The following HEXA variants were observed in gnomAD, a reference collection of about 807,000 sequenced individuals.
The protein encoded by HEXA is hexosaminidase subunit alpha.
A neutral mutation model predicts 73.3 loss-of-function variants in HEXA; 54 were observed. That is an observed-to-expected ratio of 0.74 (90% CI 0.59 to 0.92). The LOEUF is 0.92. Among genes scored for constraint, HEXA ranks in the 40% least tolerant of loss-of-function variants. The pLI is 0.00. For missense variants in HEXA, 649 were observed against 653.0 expected, an observed-to-expected ratio of 0.99 and a Z score of 0.07; for synonymous variants, 230 against 246.9, an observed-to-expected ratio of 0.93 and a Z score of 0.64.
chr15:72,374,008 C>CA (rs550464062), intron 1 of HEXA, among the ~76,000 whole-genome samples: 12,205 of 67,588 alleles, frequency 0.18, 968 homozygotes, highest in African/African-American at 0.33. Context: ...GACTCCGTCT[C>CA]AAAAAAAAAA....
At chr15:72,375,604 GC>G in intron 1 of HEXA, 115 bp downstream of exon 1, 1 of 1,107,696 alleles carries the variant, frequency 9.0e-7, no homozygotes, top group Non-Finnish European at 1.3e-6. Flanking sequence ...GAAGTGGAGT[GC>G]CTGTGATCAG....
intron 1 of HEXA, among the ~76,000 whole-genome samples, chr15:72,374,813 C>T (rs2089037835): frequency 6.6e-6 from 1 of 152,106 alleles, no homozygotes; most frequent in Non-Finnish European, 1.5e-5. Flanking sequence ...ATGTCTAAAG[C>T]GCTCTTGACT....
rs114618872 is a variant in HEXA, at chr15:72,363,789, A to G, written c.254-7172T>C. Among the ~76,000 whole-genome samples the G allele has an allele frequency of 4.7e-3, 713 of 152,170 alleles. 10 individuals carry two copies. Among genetic ancestry groups the G allele is most frequent in the African/African-American group, 0.017 (688 of 41,506 alleles). On this transcript the variant is annotated intron_variant, in intron 1 of 13. Coordinates refer to ENST00000268097, the MANE Select transcript of HEXA (RefSeq NM_000520.6). ...TTTTTTTGGGAAAAGCTGTAGTTAA[A>G]AATTTTCTATTTTCCCCTACTTTTA...
At chr15:72,345,286 G>A in intron 13 of HEXA, 160 bp downstream of exon 13, 1 of 1,368,216 alleles carries the variant, frequency 7.3e-7, no homozygotes, top group Admixed American at 2.5e-5. Flanking sequence ...TTTTTTTCCT[G>A]AATACTTTTT....
chr15:72,354,519 A>T (rs980989479), intron 3 of HEXA: 1 of 152,338 alleles, frequency 6.6e-6, no homozygotes, highest in Admixed American at 6.5e-5. Context: ...GCAGTCACTC[A>T]GCACCTGATT....
chr15:72,358,556 C>G (rs2088814166), intron 1 of HEXA: 1 of 152,196 alleles, frequency 6.6e-6, no homozygotes, highest in East Asian at 1.9e-4. Context: ...CTTTGCAGAT[C>G]TGCTGAATAG....
chr15:72,354,633 T>G (rs986378424), intron 3 of HEXA: 1 of 152,350 alleles, frequency 6.6e-6, no homozygotes, highest in Non-Finnish European at 1.5e-5. Flanking sequence ...TGACTCACCA[T>G]CAGCACCTGC....
In HEXA at chr15:72,367,001, T is replaced by G. The variant is rs558957182; in HGVS notation, c.253+8719A>C. Among the ~76,000 whole-genome samples, 15 of 152,156 alleles carry G rather than the reference T, an allele frequency of 9.9e-5. 1 individual carries two copies. In the South Asian group the frequency reaches 3.1e-3, roughly 32 times the overall value. ...TCCTGTTGCCCAGGCTGGAGTGCAG[T>G]GGCGCACTCTCGGCTCACTGCAACC... On this transcript the variant is annotated intron_variant, in intron 1 of 13. Transcript: ENST00000268097.
chr15:72,345,706 G>T, intron 12 of HEXA, 156 bp from the exon 13 acceptor site: 1 of 1,259,486 alleles, frequency 7.9e-7, no homozygotes. Context: ...AGGTTGGATG[G>T]CTCCCAGAGA....
At chr15:72,346,160 A>G (rs1595796724) in intron 12 of HEXA, 75 bp downstream of exon 12, 1 of 1,020,630 alleles carries the variant, frequency 9.8e-7, no homozygotes. Context: ...AGAGGTGGCT[A>G]GATGGGATTG....
intron 1 of HEXA, among the ~76,000 whole-genome samples, chr15:72,374,557 C>T (rs1179068551): frequency 1.3e-5 from 2 of 152,162 alleles, no homozygotes; most frequent in Admixed American, 1.3e-4. Flanking sequence ...AATATTACTA[C>T]AAGACTTAAC....
intron 1 of HEXA, 77 bp downstream of exon 1, chr15:72,375,643 C>G: frequency 6.4e-7 from 1 of 1,560,982 alleles, no homozygotes; most frequent in Non-Finnish European, 8.8e-7. Context: ...CATAGGGCGT[C>G]TCTGGAGCCC....
chr15:72,356,934 C>T, intron 1 of HEXA: 1 of 448,798 alleles, frequency 2.2e-6, no homozygotes, highest in Non-Finnish European at 4.2e-6. Context: ...ACAACTGCTT[C>T]TGAATGAAAG....
At chr15:72,359,573 G>A (rs1234529183) in intron 1 of HEXA, 3 of 150,764 alleles carry the variant, frequency 2.0e-5, no homozygotes, top group Non-Finnish European at 1.5e-5. Context: ...GGTGGGCCCT[G>A]TAATCCCAGC....
At chr15:72,364,818 A>ATTTTT (rs762688276) in intron 1 of HEXA, among the ~76,000 whole-genome samples, 4 of 133,108 alleles carry the variant, frequency 3.0e-5, no homozygotes, top group Non-Finnish European at 4.9e-5. Flanking sequence ...TTTTAATTTA[A>ATTTTT]TTTTTTTTTT....
chr15:72,353,221 T>C (rs746698871), intron 4 of HEXA, 43 bp from the exon 5 acceptor site: 1 of 1,179,504 alleles, frequency 8.5e-7, no homozygotes, highest in African/African-American at 1.5e-5. Flanking sequence ...CAAAGGAAGC[T>C]TACTATGGGG....
chr15:72,373,034 G>A (rs1277101321), intron 1 of HEXA, among the ~76,000 whole-genome samples: 2 of 152,190 alleles, frequency 1.3e-5, no homozygotes, highest in Non-Finnish European at 2.9e-5. Flanking sequence ...AGGAGGCTGA[G>A]GTGGGAGAAT....
intron 10 of HEXA, among the ~76,000 whole-genome samples, chr15:72,347,086 G>A (rs183187769): frequency 6.6e-6 from 1 of 151,134 alleles, no homozygotes; most frequent in East Asian, 2.0e-4. Flanking sequence ...CAGGAGACTG[G>A]GATCTTACTG....
intron 1 of HEXA, among the ~76,000 whole-genome samples, chr15:72,363,332 AG>A (rs1231177930): frequency 6.6e-6 from 1 of 152,228 alleles, no homozygotes; most frequent in Non-Finnish European, 1.5e-5. Flanking sequence ...CATTGTGATA[AG>A]GGCTATGGTA....
Sources: gnomAD v4.1 joint callset for allele counts (sites outside exome capture counted in the v4.1 genomes callset) on GRCh38, gnomAD v4.1.1 for gene constraint, MANE v1.5 for transcripts, NCBI Gene and HGNC (gene_info 2026-07-23, HGNC 2026-07-21) for gene names.